Variants in STK32B observed in about 807,000 individuals in gnomAD.
The protein encoded by STK32B is serine/threonine-protein kinase 32B.
In STK32B, 43 loss-of-function variants were observed where a neutral mutation model predicts 52.6. That is an observed-to-expected ratio of 0.82 (90% CI 0.64 to 1.05). The LOEUF is 1.05. STK32B is among the 50% of genes least tolerant of loss of function. The pLI is 0.00. For missense variants in STK32B, 621 were observed against 534.6 expected, an observed-to-expected ratio of 1.16 and a Z score of -1.59; for synonymous variants, 238 against 204.3, an observed-to-expected ratio of 1.17 and a Z score of -1.41.
chr4:5,051,733 C>A lies in STK32B; in HGVS notation c.-131C>A. On this transcript the variant is annotated 5_prime_UTR_variant, in exon 1 of 12. Coordinates refer to ENST00000282908, the MANE Select transcript of STK32B (RefSeq NM_018401.3). Reference sequence around the variant, plus strand: ...CCCGCCCCTGCACGGTGCTCGGCCCCCTCGGGCTCCGCGCGCGGCTACAAC... The same window carrying A: ...CCCGCCCCTGCACGGTGCTCGGCCCACTCGGGCTCCGCGCGCGGCTACAAC... The A allele has an allele frequency of 1.6e-6, 2 of 1,288,434 alleles. No homozygotes were observed. Among genetic ancestry groups the A allele is most frequent in the Non-Finnish European group, 2.1e-6 (2 of 934,654 alleles). The allele number at this position is 1,288,434 out of a possible 1,614,324, so 79.8% of individuals were successfully genotyped here.
intron 3 of STK32B, among the ~76,000 whole-genome samples, chr4:5,281,088 CAG>C (rs971726617): frequency 2.6e-5 from 4 of 152,008 alleles, no homozygotes; most frequent in African/African-American, 7.3e-5. Context: ...CTTCATATGA[CAG>C]AGCAGGAGAG....
chr4:5,186,319 T>G (rs145266736), intron 3 of STK32B, among the ~76,000 whole-genome samples: 37 of 152,268 alleles, frequency 2.4e-4, no homozygotes, highest in Non-Finnish European at 3.5e-4. Flanking sequence ...GTGGGCCGCT[T>G]GAGGAAGGGG....
intron 2 of STK32B, among the ~76,000 whole-genome samples, chr4:5,162,376 G>C (rs1427314723): frequency 6.6e-6 from 1 of 152,182 alleles, no homozygotes; most frequent in Non-Finnish European, 1.5e-5. Context: ...GTGTGCTGCA[G>C]AATCGACATT....
chr4:5,341,831 CA>C (rs940442968), intron 4 of STK32B, among the ~76,000 whole-genome samples: 3 of 152,076 alleles, frequency 2.0e-5, no homozygotes, highest in African/African-American at 7.2e-5. Flanking sequence ...GCAAAGGAGA[CA>C]GGGGAGGTGC....
chr4:5,479,778 C>T (rs1718534325), intron 11 of STK32B, among the ~76,000 whole-genome samples: 1 of 152,158 alleles, frequency 6.6e-6, no homozygotes. Context: ...ACTCAATTAC[C>T]ATTATTCAAT....
upstream of STK32B, among the ~76,000 whole-genome samples, chr4:5,050,411 T>TTTTTGTTTTG (rs544173752): frequency 2.6e-5 from 3 of 116,018 alleles, no homozygotes; most frequent in African/African-American, 8.3e-5. Flanking sequence ...TTTAAGAGAT[T>TTTTTGTTTTG]TTTTGTTTTG....
Position 5,452,848 on chromosome 4 carries a change from C to T in STK32B, c.667-3959C>T, listed in dbSNP as rs149460861. ...ACTCCATAATAAGTATATCCAATGTCCCACTGCTAAAATTGCTTTTACCAG... is the reference window on the plus strand; with the variant it reads ...ACTCCATAATAAGTATATCCAATGTTCCACTGCTAAAATTGCTTTTACCAG... On this transcript the variant is annotated intron_variant, in intron 7 of 11. Coordinates refer to ENST00000282908, the MANE Select transcript of STK32B (RefSeq NM_018401.3). Among the ~76,000 whole-genome samples, 443 of 152,122 alleles carry T rather than the reference C, an allele frequency of 2.9e-3. 3 individuals carry two copies. The highest frequency in any genetic ancestry group is 1.8e-3 in the Non-Finnish European group (121 of 68,008).
intron 1 of STK32B, among the ~76,000 whole-genome samples, chr4:5,125,632 G>A: frequency 6.6e-6 from 1 of 152,196 alleles, no homozygotes; most frequent in African/African-American, 2.4e-5. Context: ...TGGGCCAAAT[G>A]CATATGTCTG....
chr4:5,471,358 G>A (rs868288669), intron 11 of STK32B, among the ~76,000 whole-genome samples: 1 of 152,162 alleles, frequency 6.6e-6, no homozygotes, highest in Non-Finnish European at 1.5e-5. Context: ...GACAAGAGAA[G>A]AGGTGCAGGC....
Position 5,059,052 on chromosome 4 carries a change from C to CTTTTTTTTTTTTTTTTTTT in STK32B, c.52+7148_52+7166dup, listed in dbSNP as rs3072775. 1.7e-3 allele frequency among the ~76,000 whole-genome samples: 152 copies of CTTTTTTTTTTTTTTTTTTT among 86,906 alleles called. 35 individuals are homozygous for CTTTTTTTTTTTTTTTTTTT. The highest frequency in any genetic ancestry group is 3.1e-3 in the East Asian group (8 of 2,584). 57.0% of individuals were successfully genotyped at this position (86,906 alleles called of 152,430 possible). On this transcript the variant is annotated intron_variant, in intron 1 of 11. Transcript: ENST00000282908. ...AGGCGTGAGCCACCACGCCCAGCTG[C>CTTTTTTTTTTTTTTTTTTT]TTTTTTTTTTTTTTTTTTTTTTTTT...
intron 1 of STK32B, among the ~76,000 whole-genome samples, chr4:5,103,670 C>T (rs1047591503): frequency 1.8e-4 from 28 of 152,080 alleles, no homozygotes; most frequent in Admixed American, 1.6e-3. Flanking sequence ...GGAGTTTGCC[C>T]ATCTTGGGAT....
Position 5,173,695 on chromosome 4 carries a change from A to G in STK32B, c.260+5245A>G, listed in dbSNP as rs550359825. Among the ~76,000 whole-genome samples, 6 of 152,270 alleles carry G rather than the reference A, an allele frequency of 3.9e-5. No homozygotes were observed. In the South Asian group the frequency reaches 8.3e-4, roughly 21 times the overall value. On this transcript the variant is annotated intron_variant, in intron 3 of 11. Transcript: ENST00000282908. ...AGTTTGTTATAGTTTCTGTTCTTTT[A>G]CATTTGCTGAGGAGTGCTTTACTTC...
At position 5,371,319 on chromosome 4, in the gene STK32B, G is replaced by T. The variant is rs540352189; in HGVS notation, c.435-26888G>T. On this transcript the variant is annotated intron_variant, in intron 4 of 11. Coordinates refer to ENST00000282908, the MANE Select transcript of STK32B (RefSeq NM_018401.3). ...ACAGGCCAAGGGCTTATACATCAAA[G>T]GTAGGGGAGGAGGAATTGGATCAGA... is the stretch of plus-strand genomic sequence containing the variant. Among the ~76,000 whole-genome samples, 111 of 152,232 alleles carry T rather than the reference G, an allele frequency of 7.3e-4. 1 individual carries two copies. Among genetic ancestry groups the T allele is most frequent in the Non-Finnish European group, 5.6e-4 (38 of 68,020 alleles).
At chr4:5,276,667 C>T (rs995938182) in intron 3 of STK32B, among the ~76,000 whole-genome samples, 1 of 151,954 alleles carries the variant, frequency 6.6e-6, no homozygotes, top group Non-Finnish European at 1.5e-5. Context: ...TCACGTGTTA[C>T]GAACTGCTGC....
At chr4:5,445,765 C>G (rs1166162237) in intron 6 of STK32B, among the ~76,000 whole-genome samples, 1 of 152,176 alleles carries the variant, frequency 6.6e-6, no homozygotes, top group Non-Finnish European at 1.5e-5. Flanking sequence ...AGTTCCAACC[C>G]ATTTGTTTTC....
intron 3 of STK32B, among the ~76,000 whole-genome samples, chr4:5,244,446 A>G (rs1725294744): frequency 6.6e-6 from 1 of 151,854 alleles, no homozygotes; most frequent in African/African-American, 2.4e-5. Context: ...TTTTTATTGC[A>G]TCTATTTGAT....
rs149845356 is a variant in STK32B at position 5,298,732 on chromosome 4, G to A, written c.261-32488G>A. 3.4e-3 allele frequency among the ~76,000 whole-genome samples: 521 copies of A among 152,144 alleles called. 3 individuals are homozygous for A. Among genetic ancestry groups the A allele is most frequent in the African/African-American group, 0.012 (510 of 41,514 alleles). ...GATCTTAGCTTGCTGGGCTTTGTGG[G>A]GGTGGGACCCACTGAGCAAGACCAC... On this transcript the variant is annotated intron_variant, in intron 3 of 11. Coordinates refer to ENST00000282908, the MANE Select transcript of STK32B (RefSeq NM_018401.3).
At chr4:5,131,325 C>G (rs1363098018) in intron 1 of STK32B, among the ~76,000 whole-genome samples, 3 of 152,238 alleles carry the variant, frequency 2.0e-5, no homozygotes, top group African/African-American at 7.2e-5. Flanking sequence ...TGTACAATCA[C>G]TGAGATCCTG....
intron 3 of STK32B, among the ~76,000 whole-genome samples, chr4:5,192,995 C>T (rs989728357): frequency 5.3e-5 from 8 of 152,174 alleles, no homozygotes; most frequent in African/African-American, 9.7e-5. Context: ...TTCCTCCTGT[C>T]GGCAATGGGG....
Sources: gnomAD v4.1 joint callset for allele counts (sites outside exome capture counted in the v4.1 genomes callset) on GRCh38, gnomAD v4.1.1 for gene constraint, MANE v1.5 for transcripts, NCBI Gene and HGNC (gene_info 2026-07-23, HGNC 2026-07-21) for gene names.